The following CEP112 variants were observed in gnomAD, a reference collection of about 807,000 sequenced individuals.
CEP112 encodes centrosomal protein of 112 kDa.
Under a neutral mutation model 153.0 loss-of-function variants are expected in CEP112, and 127 were observed. The observed-to-expected ratio is 0.83, with a 90% CI of 0.72 to 0.96. The LOEUF (loss-of-function observed/expected upper bound fraction) is 0.96. Ranked by LOEUF, CEP112 falls within the 40% of genes least tolerant of loss-of-function variation. The pLI is 0.00. For missense variants in CEP112, 1,089 were observed against 1,101.2 expected (o/e 0.99, Z 0.16); for synonymous variants, 358 against 374.4 (o/e 0.96, Z 0.51).
chr17:65,963,696 T>C (rs2062304779), intron 17 of CEP112, among the ~76,000 whole-genome samples: 1 of 151,990 alleles, frequency 6.6e-6, no homozygotes, highest in African/African-American at 2.4e-5. Flanking sequence ...TGTGTGTGTG[T>C]GTGTGTGTTC....
chr17:66,003,067 A>C (rs1409068071), intron 17 of CEP112, among the ~76,000 whole-genome samples: 2 of 152,222 alleles, frequency 1.3e-5, no homozygotes, highest in East Asian at 1.9e-4. Flanking sequence ...CTTTGAAGTT[A>C]GACCTCACAA....
chr17:66,174,006 G>GC (rs1383334103), intron 4 of CEP112, among the ~76,000 whole-genome samples: 1 of 152,102 alleles, frequency 6.6e-6, no homozygotes, highest in Non-Finnish European at 1.5e-5. Context: ...TCGGCTCACT[G>GC]CAAGCTCCGC....
chr17:65,967,068 A>G (rs186571107), intron 17 of CEP112, among the ~76,000 whole-genome samples: 8 of 152,330 alleles, frequency 5.3e-5, no homozygotes, highest in African/African-American at 1.7e-4. Flanking sequence ...CTCGCTACTA[A>G]GGGAAAAGCT....
At position 65,937,634 on chromosome 17, in the gene CEP112, G is replaced by A. The variant is rs1438266811; in HGVS notation, c.1873-9945C>T. On this transcript the variant is annotated intron_variant, in intron 18 of 26. Coordinates refer to ENST00000535342, the MANE Select transcript of CEP112 (RefSeq NM_001199165.4). ...AGGGAGGTGGGGGGGTCAGCCCCCC[G>A]CCCGGCCAGCCGCCCTGTCCGGGAG... 9.7e-5 allele frequency among the ~76,000 whole-genome samples: 9 copies of A among 92,768 alleles called. 1 individual carries two copies. Among genetic ancestry groups the A allele is most frequent in the African/African-American group, 1.5e-4 (4 of 26,792 alleles). 60.9% of individuals were successfully genotyped at this position (92,768 alleles called of 152,430 possible).
At chr17:66,016,816 C>T (rs2064795710) in intron 16 of CEP112, among the ~76,000 whole-genome samples, 1 of 151,970 alleles carries the variant, frequency 6.6e-6, no homozygotes, top group Non-Finnish European at 1.5e-5. Flanking sequence ...AAATGGGAAG[C>T]TTCAAAAAAT....
At chr17:65,811,527 G>A (rs536019295) in intron 21 of CEP112, among the ~76,000 whole-genome samples, 1 of 152,282 alleles carries the variant, frequency 6.6e-6, no homozygotes, top group South Asian at 2.1e-4. Context: ...ACAGGTGGCT[G>A]AGGTGGAGAA....
intron 24 of CEP112, among the ~76,000 whole-genome samples, chr17:65,673,184 G>A (rs879440620): frequency 2.6e-5 from 4 of 152,160 alleles, no homozygotes; most frequent in Admixed American, 6.5e-5. Flanking sequence ...TGGCACTACA[G>A]GGCTGAGGTT....
intron 18 of CEP112, among the ~76,000 whole-genome samples, chr17:65,956,856 C>CAGT (rs2062020559): frequency 6.6e-6 from 1 of 152,094 alleles, no homozygotes; most frequent in Non-Finnish European, 1.5e-5. Context: ...CTCCTAGGTA[C>CAGT]AGTAGTCCCT....
chr17:66,153,884 C>T (rs1176766149), intron 4 of CEP112, among the ~76,000 whole-genome samples: 2 of 151,768 alleles, frequency 1.3e-5, no homozygotes, highest in African/African-American at 2.4e-5. Context: ...TGCCAAGGGC[C>T]GGGTGTGGTG....
At chr17:65,665,704 C>T (rs2046657712) in intron 24 of CEP112, among the ~76,000 whole-genome samples, 1 of 152,150 alleles carries the variant, frequency 6.6e-6, no homozygotes, top group Non-Finnish European at 1.5e-5. Context: ...GATTAAGCCT[C>T]CCCTGAAGCC....
At chr17:65,751,479 G>C (rs979237043) in intron 21 of CEP112, among the ~76,000 whole-genome samples, 1 of 152,104 alleles carries the variant, frequency 6.6e-6, no homozygotes, top group African/African-American at 2.4e-5. Context: ...CAATCATGCG[G>C]GCACTAAAGA....
At chr17:65,840,455 A>AG (rs2057474886) in intron 21 of CEP112, among the ~76,000 whole-genome samples, 1 of 152,138 alleles carries the variant, frequency 6.6e-6, no homozygotes, top group Non-Finnish European at 1.5e-5. Context: ...ACCCATATTT[A>AG]GAAGAATGAA....
intron 24 of CEP112, among the ~76,000 whole-genome samples, chr17:65,669,658 C>T (rs757998245): frequency 2.6e-5 from 4 of 152,286 alleles, no homozygotes; most frequent in South Asian, 2.1e-4. Context: ...AATCCCAGCA[C>T]TTTGGGGGGC....
rs546386157 is a variant in CEP112 at position 66,097,225 on chromosome 17, C to T, written c.643-593G>A. Among the ~76,000 whole-genome samples, 10 of 152,316 alleles carry T rather than the reference C, an allele frequency of 6.6e-5. No homozygotes were observed. The South Asian group carries it at 2.1e-3, about 32-fold the overall frequency. On this transcript the variant is annotated intron_variant, in intron 6 of 26. Coordinates refer to ENST00000535342, the MANE Select transcript of CEP112 (RefSeq NM_001199165.4). ...TTTGTTTTAACTTAAAAGCACTATACTGTCTCCCATGTCTGAGTCTTTGCA... is the reference window on the plus strand; with the variant it reads ...TTTGTTTTAACTTAAAAGCACTATATTGTCTCCCATGTCTGAGTCTTTGCA...
chr17:65,691,936 G>A (rs180750899), intron 23 of CEP112, among the ~76,000 whole-genome samples: 5 of 152,190 alleles, frequency 3.3e-5, no homozygotes, highest in Admixed American at 1.3e-4. Flanking sequence ...CTCCAGCCCC[G>A]CTGAGAGACA....
intron 23 of CEP112, among the ~76,000 whole-genome samples, chr17:65,693,735 A>G (rs1407857505): frequency 6.6e-6 from 1 of 152,126 alleles, no homozygotes; most frequent in African/African-American, 2.4e-5. Flanking sequence ...GACTCCAAAT[A>G]TTGCTAGACA....
chr17:65,647,646 T>C (rs1323571757), intron 24 of CEP112, among the ~76,000 whole-genome samples: 2 of 102,514 alleles, frequency 2.0e-5, no homozygotes, highest in African/African-American at 8.2e-5. Flanking sequence ...CCAGCTAATT[T>C]TTTTTTTTTT....
At chr17:65,969,786 A>G (rs1322881512) in intron 17 of CEP112, among the ~76,000 whole-genome samples, 3 of 152,286 alleles carry the variant, frequency 2.0e-5, no homozygotes, top group East Asian at 1.9e-4. Flanking sequence ...GATGCATATT[A>G]CATGCATGCG....
intron 4 of CEP112, among the ~76,000 whole-genome samples, chr17:66,149,444 A>T (rs950847161): frequency 1.3e-5 from 2 of 152,180 alleles, no homozygotes; most frequent in African/African-American, 4.8e-5. Flanking sequence ...AAATTCACCA[A>T]TGAAGCCACC....
Sources: allele counts gnomAD v4.1 joint callset (sites outside exome capture counted in the v4.1 genomes callset), GRCh38; gene constraint gnomAD v4.1.1; transcripts MANE v1.5; gene names NCBI Gene and HGNC (gene_info 2026-07-23, HGNC 2026-07-21).